The following FBN1 variants were observed in gnomAD, a reference collection of about 807,000 sequenced individuals.
FBN1 encodes fibrillin 1, also known as fibrillin-1.
In FBN1, 29 loss-of-function variants were observed where a neutral mutation model predicts 365.1. The ratio of observed to expected loss-of-function variants is 0.08; its 90% CI spans 0.06 to 0.11. FBN1 has a LOEUF of 0.11. Among genes scored for constraint, FBN1 ranks in the 10% least tolerant of loss-of-function variants. FBN1 has a pLI of 1.00. For synonymous variants in FBN1, 1,210 were observed against 1,270.5 expected, an observed-to-expected ratio of 0.95 and a Z score of 1.01; for missense variants, 2,476 against 3,703.2, an observed-to-expected ratio of 0.67 and a Z score of 8.60.
rs745753080 is a variant in FBN1 at position 48,474,645 on chromosome 15, T to C, written c.3970A>G (p.Asn1324Asp). The part of the protein sequence containing the change: ...KKGKTGCTDI[N>D]ECEIGAHNCG... ...TTGTGTGCTCCAATTTCACATTCAT[T>C]GATGTCTGGAAAAATGAGCAGTGAT... The change falls in exon 33 of 66, where the codon AAT (asparagine) becomes GAT (aspartate). Residue 1324 changes from asparagine to aspartate, a missense_variant. Coordinates refer to ENST00000316623, the MANE Select transcript of FBN1 (RefSeq NM_000138.5). The C allele has an allele frequency of 1.9e-6, 3 of 1,614,134 alleles. No homozygotes were observed. The South Asian group carries it at 3.3e-5, about 18-fold the overall frequency.
At chr15:48,471,102 T>C (rs1286151517) in intron 35 of FBN1, among the ~76,000 whole-genome samples, 7 of 152,056 alleles carry the variant, frequency 4.6e-5, no homozygotes, top group African/African-American at 1.4e-4. Context: ...TTAATCTATC[T>C]ATGTAGTCAC....
chr15:48,417,469 T>TTCC (rs752328232), intron 63 of FBN1, among the ~76,000 whole-genome samples: 2,097 of 33,172 alleles, frequency 0.063, 30 homozygotes, highest in East Asian at 0.22. Flanking sequence ...CCTTCCTTCC[T>TTCC]TTCCTTCCTT....
intron 4 of FBN1, among the ~76,000 whole-genome samples, chr15:48,609,924 G>C (rs992677171): frequency 2.6e-5 from 4 of 152,204 alleles, no homozygotes; most frequent in Non-Finnish European, 5.9e-5. Context: ...GTAAACAAAA[G>C]AGAATGCACT....
chr15:48,503,054 C>T (rs1487637187), intron 17 of FBN1, among the ~76,000 whole-genome samples: 1 of 151,938 alleles, frequency 6.6e-6, no homozygotes. Flanking sequence ...AATCCCAGCA[C>T]TTTGGGAGGC....
chr15:48,480,835 A>G (rs2043460035), intron 32 of FBN1, among the ~76,000 whole-genome samples: 1 of 152,202 alleles, frequency 6.6e-6, no homozygotes, highest in African/African-American at 2.4e-5. Flanking sequence ...CAAGCTCACC[A>G]TGGTTTCCAT....
chr15:48,577,343 T>G (rs1030511020), intron 6 of FBN1, among the ~76,000 whole-genome samples: 2 of 152,216 alleles, frequency 1.3e-5, no homozygotes, highest in African/African-American at 4.8e-5. Flanking sequence ...GATAAAGGCA[T>G]GAGGGTACAT....
intron 49 of FBN1, among the ~76,000 whole-genome samples, chr15:48,443,877 A>T (rs1405127672): frequency 6.6e-6 from 1 of 152,046 alleles, no homozygotes; most frequent in African/African-American, 2.4e-5. Context: ...ACAAAGAATT[A>T]AAAAATCAGC....
intron 6 of FBN1, among the ~76,000 whole-genome samples, chr15:48,543,177 G>A (rs1027127489): frequency 1.3e-5 from 2 of 152,164 alleles, no homozygotes; most frequent in African/African-American, 4.8e-5. Flanking sequence ...CACTACTGCA[G>A]TGTCCTAATA....
At chr15:48,613,375 A>C (rs1446628112) in intron 2 of FBN1, among the ~76,000 whole-genome samples, 1 of 152,242 alleles carries the variant, frequency 6.6e-6, no homozygotes, top group Non-Finnish European at 1.5e-5. Flanking sequence ...ATGAAGCCAT[A>C]CAAGTCTTAA....
chr15:48,610,913 T>A, intron 3 of FBN1, 87 bp from the exon 4 acceptor site: 1 of 1,102,716 alleles, frequency 9.1e-7, no homozygotes, highest in Non-Finnish European at 1.4e-6. Flanking sequence ...GAAACCTGGG[T>A]TCTCAGGTCC....
intron 35 of FBN1, among the ~76,000 whole-genome samples, chr15:48,472,059 A>G (rs1025442856): frequency 6.6e-6 from 1 of 152,268 alleles, no homozygotes; most frequent in African/African-American, 2.4e-5. Flanking sequence ...AATGTGAGAC[A>G]TACCATTCTA....
At chr15:48,434,199 A>G (rs1159387859) in intron 54 of FBN1, among the ~76,000 whole-genome samples, 1 of 152,134 alleles carries the variant, frequency 6.6e-6, no homozygotes, top group Non-Finnish European at 1.5e-5. Context: ...TGGGTATCTT[A>G]GTGTGCAGTG....
At chr15:48,558,159 C>G (rs1174597296) in intron 6 of FBN1, among the ~76,000 whole-genome samples, 1 of 152,204 alleles carries the variant, frequency 6.6e-6, no homozygotes, top group Non-Finnish European at 1.5e-5. Context: ...AATCTTTGAT[C>G]CTACAACACA....
intron 10 of FBN1, among the ~76,000 whole-genome samples, chr15:48,519,796 A>G (rs1196908087): frequency 6.6e-6 from 1 of 152,236 alleles, no homozygotes; most frequent in African/African-American, 2.4e-5. Flanking sequence ...AAAAAGATGA[A>G]CTGGGATTAG....
chr15:48,508,718 A>C lies in FBN1; in HGVS notation c.1715-14T>G, dbSNP rs753746089. ...ATTCATCCATATCTGAAAATACAAA[A>C]CATACATTTTCTTATGACCAGAAGA... On this transcript the variant is annotated splice_polypyrimidine_tract_variant and intron_variant, in intron 14 of 65. Transcript: ENST00000316623. 28 of 1,613,148 alleles carry C rather than the reference A, an allele frequency of 1.7e-5. No individual in the cohort carries two copies. Among genetic ancestry groups the C allele is most frequent in the Admixed American group, 6.7e-5 (4 of 59,970 alleles).
chr15:48,441,661 A>G, intron 50 of FBN1, 60 bp downstream of exon 50: 1 of 1,608,266 alleles, frequency 6.2e-7, no homozygotes, highest in Non-Finnish European at 8.5e-7. Context: ...TGTTTGAAAA[A>G]TAAGACCACC....
chr15:48,414,270 C>T (rs1162504405), intron 64 of FBN1, among the ~76,000 whole-genome samples: 1 of 152,194 alleles, frequency 6.6e-6, no homozygotes, highest in Non-Finnish European at 1.5e-5. Flanking sequence ...TGCTGGCATT[C>T]TGTGTGCTTC....
Position 48,489,973 on chromosome 15 carries a change from G to A in FBN1, c.2960C>T (p.Ala987Val). Reference protein sequence around the residue: ...MDACCCSVGAAWGTEECEECP... With the variant: ...MDACCCSVGAVWGTEECEECP... ...CTCCTCGCATTCCTCAGTACCCCAG[G>A]CTGCCCCGACGGAGCAGCAGCAGGC... The change falls in exon 25 of 66, where the codon GCC becomes GTC. Residue 987 changes from alanine (A) to valine (V), a missense_variant. Physicochemically the swap from Ala to Val is moderately conservative, Grantham distance 64 (BLOSUM62 0). Transcript: ENST00000316623. 1 of 1,614,012 alleles carries A rather than the reference G, an allele frequency of 6.2e-7. No individual in the cohort carries two copies. Among genetic ancestry groups the A allele is most frequent in the Non-Finnish European group, 8.5e-7 (1 of 1,180,018 alleles).
At chr15:48,552,363 C>T (rs1356167497) in intron 6 of FBN1, among the ~76,000 whole-genome samples, 1 of 151,554 alleles carries the variant, frequency 6.6e-6, no homozygotes, top group African/African-American at 2.4e-5. Flanking sequence ...TCCTCAACCT[C>T]CTGGGCTCAA....
Sources: allele counts gnomAD v4.1 joint callset (sites outside exome capture counted in the v4.1 genomes callset), GRCh38; gene constraint gnomAD v4.1.1; transcripts MANE v1.5; gene names NCBI Gene and HGNC (gene_info 2026-07-23, HGNC 2026-07-21).